Variants in CNNM2 observed in about 807,000 individuals in gnomAD.
CNNM2 encodes metal transporter CNNM2.
In CNNM2, 12 loss-of-function variants were observed where a neutral mutation model predicts 66.9. The observed-to-expected ratio is 0.18, with a 90% CI of 0.11 to 0.29. The LOEUF (loss-of-function observed/expected upper bound fraction) is 0.29, where lower values mean the gene tolerates loss of function less well. Ranked by LOEUF, CNNM2 falls within the 10% of genes least tolerant of loss-of-function variation. The pLI is 1.00. For missense variants in CNNM2, 705 were observed against 1,167.7 expected, an observed-to-expected ratio of 0.60 and a Z score of 5.77; for synonymous variants, 557 against 501.8, an observed-to-expected ratio of 1.11 and a Z score of -1.47.
chr10:102,972,917 G>C (rs1384926614), intron 1 of CNNM2, among the ~76,000 whole-genome samples: 1 of 152,110 alleles, frequency 6.6e-6, no homozygotes, highest in Non-Finnish European at 1.5e-5. Flanking sequence ...TCTTTATCTT[G>C]ACAATTGTGT....
chr10:103,069,225 G>T (rs955019927), intron 5 of CNNM2, among the ~76,000 whole-genome samples: 2 of 152,174 alleles, frequency 1.3e-5, no homozygotes, highest in African/African-American at 4.8e-5. Flanking sequence ...TTTCATTGCT[G>T]ATAGACATTG....
chr10:102,954,222 G>T (rs1846951801), intron 1 of CNNM2, among the ~76,000 whole-genome samples: 1 of 151,002 alleles, frequency 6.6e-6, no homozygotes, highest in South Asian at 2.1e-4. Flanking sequence ...CGACCTCCTG[G>T]GCTCAAGCAA....
chr10:102,960,806 A>G (rs1485678167), intron 1 of CNNM2, among the ~76,000 whole-genome samples: 10 of 75,172 alleles, frequency 1.3e-4, no homozygotes, highest in African/African-American at 3.1e-4. Flanking sequence ...TTTTTTTTTG[A>G]GATGGAGTCC....
chr10:102,975,504 T>C (rs1360278498), intron 1 of CNNM2, among the ~76,000 whole-genome samples: 2 of 143,810 alleles, frequency 1.4e-5, no homozygotes, highest in African/African-American at 5.2e-5. Context: ...CTCCACAGAG[T>C]TAAACAGCCT....
rs190734856 is a variant in CNNM2, at chr10:103,072,003, G to A, written c.2233+164G>A. Among the ~76,000 whole-genome samples, 551 of 152,242 alleles carry A rather than the reference G, an allele frequency of 3.6e-3. 3 individuals are homozygous for A. The highest frequency in any genetic ancestry group is 6.7e-3 in the Non-Finnish European group (459 of 68,022). The stretch of plus-strand genomic sequence containing the variant: ...CGTAACTTTATAGCGAGCTCTCCAG[G>A]AAAGCATAAGCCACAGCAGGTGGAG... On this transcript the variant is annotated intron_variant, in intron 6 of 7. Transcript: ENST00000369878.
chr10:102,964,145 T>A (rs926656921), intron 1 of CNNM2, among the ~76,000 whole-genome samples: 2 of 152,222 alleles, frequency 1.3e-5, no homozygotes, highest in South Asian at 2.1e-4. Context: ...GTCTACCAAC[T>A]TTAATGAAAT....
At chr10:103,004,510 A>G (rs1048060637) in intron 1 of CNNM2, among the ~76,000 whole-genome samples, 4 of 152,316 alleles carry the variant, frequency 2.6e-5, no homozygotes, top group Admixed American at 6.5e-5. Context: ...TGTGCACATC[A>G]GTTTCCTGGG....
chr10:102,964,469 T>G (rs2063429544), intron 1 of CNNM2, among the ~76,000 whole-genome samples: 1 of 152,150 alleles, frequency 6.6e-6, no homozygotes, highest in Non-Finnish European at 1.5e-5. Context: ...CCTTAAGTGA[T>G]TCACCCGCTT....
chr10:103,071,547 A>G (rs117259796), intron 5 of CNNM2, among the ~76,000 whole-genome samples: 24 of 152,328 alleles, frequency 1.6e-4, no homozygotes, highest in Non-Finnish European at 2.4e-4. Context: ...CTTGGTTAGT[A>G]ACAAACTCGT....
At chr10:103,002,389 C>A (rs1422642186) in intron 1 of CNNM2, among the ~76,000 whole-genome samples, 1 of 151,568 alleles carries the variant, frequency 6.6e-6, no homozygotes, top group African/African-American at 2.4e-5. Flanking sequence ...ATCAAAACTA[C>A]AAGACAGCAC....
At chr10:103,039,957 A>G (rs1408744771) in intron 1 of CNNM2, among the ~76,000 whole-genome samples, 1 of 152,192 alleles carries the variant, frequency 6.6e-6, no homozygotes, top group Non-Finnish European at 1.5e-5. Flanking sequence ...ACCTGAGGTC[A>G]GGAGTTCAAG....
chr10:103,085,352 TCTCA>T lies in CNNM2; in HGVS notation c.*8173_*8176del, dbSNP rs2065795109. ...AAAGATAACTCTGGTGAGAACACTC[TCTCA>T]AAGACTGGACACTGAGTAAACATTT... On this transcript the variant is annotated 3_prime_UTR_variant, in exon 8 of 8. Coordinates refer to ENST00000369878, the MANE Select transcript of CNNM2 (RefSeq NM_017649.5). 1 of 152,220 alleles carries T rather than the reference TCTCA, an allele frequency of 6.6e-6. No homozygotes were observed. Among genetic ancestry groups the T allele is most frequent in the Non-Finnish European group, 1.5e-5 (1 of 68,036 alleles). 9.4% of individuals were successfully genotyped at this position (152,220 alleles called of 1,614,324 possible). A position where few individuals can be genotyped will look rare whatever the true frequency, so the allele number is the denominator to read the frequency against.
At chr10:102,974,647 C>A (rs2063596729) in intron 1 of CNNM2, among the ~76,000 whole-genome samples, 1 of 152,016 alleles carries the variant, frequency 6.6e-6, no homozygotes, top group Admixed American at 6.5e-5. Context: ...TCACAGCTCA[C>A]TTCAGCCCTG....
chr10:103,022,989 A>G (rs778980255), intron 1 of CNNM2, among the ~76,000 whole-genome samples: 19 of 151,938 alleles, frequency 1.3e-4, no homozygotes, highest in South Asian at 6.2e-4. Context: ...TGCAGCATTG[A>G]CCTCCCGGGC....
chr10:103,064,748 A>G (rs1358969655), intron 4 of CNNM2, among the ~76,000 whole-genome samples: 2 of 152,108 alleles, frequency 1.3e-5, no homozygotes, highest in African/African-American at 4.8e-5. Flanking sequence ...GCTGAGTTAC[A>G]AGTGTTGCTT....
At chr10:102,951,956 AC>A (rs1231064865) in intron 1 of CNNM2, among the ~76,000 whole-genome samples, 1 of 151,982 alleles carries the variant, frequency 6.6e-6, no homozygotes, top group Admixed American at 6.6e-5. Context: ...GGCATGCGCC[AC>A]CACACCCGGC....
intron 1 of CNNM2, among the ~76,000 whole-genome samples, chr10:102,938,619 C>CAAA (rs10596673): frequency 7.9e-5 from 5 of 63,680 alleles, no homozygotes; most frequent in Non-Finnish European, 1.1e-4. Context: ...GACCCTGTCT[C>CAAA]AAAAAAAAAA....
chr10:102,927,525 C>T, intron 1 of CNNM2: 2 of 1,475,532 alleles, frequency 1.4e-6, no homozygotes, highest in Non-Finnish European at 1.8e-6. Context: ...TTTGGGAGGC[C>T]CAGGGAGGTG....
intron 1 of CNNM2, among the ~76,000 whole-genome samples, chr10:103,028,666 G>T (rs2064754468): frequency 6.6e-6 from 1 of 151,856 alleles, no homozygotes; most frequent in African/African-American, 2.4e-5. Context: ...TAATCAACTG[G>T]CAGTCACTGA....
Sources: allele counts gnomAD v4.1 joint callset (sites outside exome capture counted in the v4.1 genomes callset), GRCh38; gene constraint gnomAD v4.1.1; transcripts MANE v1.5; gene names NCBI Gene and HGNC (gene_info 2026-07-23, HGNC 2026-07-21).